Variants in EXOC5 observed in about 807,000 individuals in gnomAD.
EXOC5 encodes the protein SEC10-like 1.
Under a neutral mutation model 90.8 loss-of-function variants are expected in EXOC5, and 17 were observed. The observed-to-expected ratio is 0.19, with a 90% CI of 0.13 to 0.28. The LOEUF is 0.28. Among genes scored for constraint, EXOC5 ranks in the 10% least tolerant of loss-of-function variants. The pLI, the probability that EXOC5 is intolerant of heterozygous loss-of-function variation, is 1.00. For synonymous variants in EXOC5, 260 were observed against 270.0 expected (o/e 0.96, Z 0.36); for missense variants, 569 against 830.6 (o/e 0.69, Z 3.87).
intron 2 of EXOC5, among the ~76,000 whole-genome samples, chr14:57,247,302 A>T (rs1450983133): frequency 6.6e-6 from 1 of 152,162 alleles, no homozygotes; most frequent in East Asian, 1.9e-4. Context: ...CCAATTTACA[A>T]ATATATTTAA....
intron 15 of EXOC5, among the ~76,000 whole-genome samples, chr14:57,215,739 C>G (rs889860414): frequency 6.6e-6 from 1 of 152,162 alleles, no homozygotes. Flanking sequence ...AAGTGAAAAG[C>G]TCAAAGCTTT....
intron 1 of EXOC5, among the ~76,000 whole-genome samples, chr14:57,265,092 C>T (rs975776939): frequency 6.6e-5 from 10 of 150,566 alleles, no homozygotes; most frequent in Non-Finnish European, 1.2e-4. Flanking sequence ...TCCAACGAAA[C>T]AGACTATGCT....
intron 12 of EXOC5, among the ~76,000 whole-genome samples, chr14:57,225,829 T>C (rs1023667488): frequency 7.2e-5 from 11 of 152,216 alleles, no homozygotes; most frequent in African/African-American, 9.6e-5. Flanking sequence ...ATAGGTGTTA[T>C]GTACAGTGGT....
rs368655065 is a variant in EXOC5, at chr14:57,239,645, T to C, written c.480A>G (p.Ala160=). ...FTNSEKIKEA[A]DIIQKLHLIA... ...TTAGGTGCAACTTCTGAATGATGTC[T>C]GCTGCTTCCTTTATCTATGAAAAAA... The change falls in exon 5 of 18, where the codon GCA becomes GCG. Residue 160 remains alanine (A), a synonymous_variant. Transcript: ENST00000621441. The C allele has an allele frequency of 7.1e-5, 109 of 1,533,566 alleles. No homozygotes were observed. The highest frequency in any genetic ancestry group is 8.9e-5 in the Non-Finnish European group (101 of 1,138,416). The allele number at this position is 1,533,566 out of a possible 1,614,324, so 95.0% of individuals were successfully genotyped here.
At chr14:57,221,977 T>C (rs940119036) in intron 13 of EXOC5, among the ~76,000 whole-genome samples, 2 of 152,144 alleles carry the variant, frequency 1.3e-5, no homozygotes, top group Non-Finnish European at 2.9e-5. Context: ...TTTCTAAATT[T>C]TACATTACTC....
chr14:57,228,734 A>G (rs1883389175), intron 12 of EXOC5, among the ~76,000 whole-genome samples: 1 of 151,912 alleles, frequency 6.6e-6, no homozygotes, highest in African/African-American at 2.4e-5. Context: ...GAGGAATAGC[A>G]TTAGGAGAAA....
intron 1 of EXOC5, among the ~76,000 whole-genome samples, chr14:57,263,587 G>A (rs1237642844): frequency 1.3e-5 from 2 of 151,070 alleles, no homozygotes; most frequent in Admixed American, 1.3e-4. Context: ...CCAACACAGC[G>A]AAAGCCCATC....
chr14:57,260,877 C>A (rs1884483458), intron 1 of EXOC5, among the ~76,000 whole-genome samples: 1 of 152,120 alleles, frequency 6.6e-6, no homozygotes, highest in South Asian at 2.1e-4. Context: ...TTAATAAAAT[C>A]TGCCATTAGC....
intron 15 of EXOC5, among the ~76,000 whole-genome samples, chr14:57,212,894 C>T (rs933331696): frequency 2.0e-5 from 3 of 152,156 alleles, no homozygotes; most frequent in African/African-American, 4.8e-5. Context: ...TCCACTCTTT[C>T]GATACATAAT....
At chr14:57,265,140 T>A (rs546339674) in intron 1 of EXOC5, among the ~76,000 whole-genome samples, 1 of 152,118 alleles carries the variant, frequency 6.6e-6, no homozygotes, top group East Asian at 1.9e-4. Flanking sequence ...ACCCTTTTTT[T>A]TTTTTTTTGC....
In EXOC5 at chr14:57,233,978, G is replaced by C; in HGVS notation, c.714+10C>G. The C allele has an allele frequency of 6.3e-7, 1 of 1,599,456 alleles. No homozygotes were observed. The highest frequency in any genetic ancestry group is 8.6e-7 in the Non-Finnish European group (1 of 1,166,972). On this transcript the variant is annotated intron_variant, in intron 8 of 17. Coordinates refer to ENST00000621441, the MANE Select transcript of EXOC5 (RefSeq NM_006544.4). Reference sequence around the variant, plus strand: ...AAAATAATATCCAACAAAGTGTACTGTTATGTTACCTCCTGGCACTGCTTT... The same window carrying C: ...AAAATAATATCCAACAAAGTGTACTCTTATGTTACCTCCTGGCACTGCTTT...
intron 1 of EXOC5, among the ~76,000 whole-genome samples, chr14:57,260,149 T>C (rs1349930914): frequency 1.3e-5 from 2 of 152,232 alleles, no homozygotes; most frequent in Non-Finnish European, 2.9e-5. Flanking sequence ...CTTTGATTTT[T>C]CAGTGAGATT....
intron 1 of EXOC5, among the ~76,000 whole-genome samples, chr14:57,260,028 T>C (rs1434642608): frequency 7.2e-5 from 11 of 152,196 alleles, no homozygotes; most frequent in African/African-American, 9.7e-5. Flanking sequence ...TACATGGTAC[T>C]ATCAATCAAA....
intron 1 of EXOC5, among the ~76,000 whole-genome samples, chr14:57,256,008 T>A (rs755168015): frequency 6.6e-6 from 1 of 152,146 alleles, no homozygotes; most frequent in African/African-American, 2.4e-5. Flanking sequence ...GTGCTTGGGA[T>A]CCCTGTAACT....
At chr14:57,226,532 A>G (rs1391872329) in intron 12 of EXOC5, among the ~76,000 whole-genome samples, 1 of 152,242 alleles carries the variant, frequency 6.6e-6, no homozygotes, top group Admixed American at 6.5e-5. Context: ...ATTATAAGAC[A>G]TAATACAAAA....
At chr14:57,217,782 A>C (rs575295412) in intron 15 of EXOC5, among the ~76,000 whole-genome samples, 200 bp downstream of exon 15, 60 of 152,312 alleles carry the variant, frequency 3.9e-4, no homozygotes, top group African/African-American at 1.4e-3. Context: ...ATGCCAAGAT[A>C]GTCCAAAGTA....
chr14:57,212,167 G>T lies in EXOC5; in HGVS notation c.1614-2106C>A, dbSNP rs574427761. On this transcript the variant is annotated intron_variant, in intron 15 of 17. Transcript: ENST00000621441. The stretch of plus-strand genomic sequence containing the variant: ...GGCCTGAGCCACCATGCCCACCCAA[G>T]AAAGTGTTTCTATATTTACTCTTCA... Among the ~76,000 whole-genome samples, 5 of 152,254 alleles carry T rather than the reference G, an allele frequency of 3.3e-5. No individual in the cohort carries two copies. The East Asian group carries it at 5.8e-4, about 18-fold the overall frequency.
intron 5 of EXOC5, 119 bp downstream of exon 5, chr14:57,239,476 C>A: frequency 1.6e-6 from 1 of 643,796 alleles, no homozygotes; most frequent in Non-Finnish European, 2.7e-6. Flanking sequence ...AATGAACCAG[C>A]AAGTGCTCAA....
chr14:57,209,792 T>TA lies in EXOC5; in HGVS notation c.1723-11_1723-10insT, dbSNP rs201967720. 5 of 1,577,384 alleles carry TA rather than the reference T, an allele frequency of 3.2e-6. No individual in the cohort carries two copies. The highest frequency in any genetic ancestry group is 3.5e-6 in the Non-Finnish European group (4 of 1,151,924). On this transcript the variant is annotated splice_polypyrimidine_tract_variant and intron_variant, in intron 16 of 17. Coordinates refer to ENST00000621441, the MANE Select transcript of EXOC5 (RefSeq NM_006544.4). ...AGACTTTTACACAGGCCTATAAAAGTTTTTCTACACTCATTACACAGGAAT... is the reference window on the plus strand; with the variant it reads ...AGACTTTTACACAGGCCTATAAAAGTATTTTCTACACTCATTACACAGGAAT...
Sources: gnomAD v4.1 joint callset for allele counts (sites outside exome capture counted in the v4.1 genomes callset) on GRCh38, gnomAD v4.1.1 for gene constraint, MANE v1.5 for transcripts, NCBI Gene and HGNC (gene_info 2026-07-23, HGNC 2026-07-21) for gene names.